FAM169A: variants seen among roughly 807,000 people sequenced by gnomAD.
FAM169A encodes the protein family with sequence similarity 169 member A, also known as soluble lamin-associated protein of 75 kDa.
Under a neutral mutation model 75.7 loss-of-function variants are expected in FAM169A, and 24 were observed. That is an observed-to-expected ratio of 0.32 (90% CI 0.23 to 0.45). The LOEUF (loss-of-function observed/expected upper bound fraction) is 0.45, where lower values mean the gene tolerates loss of function less well. FAM169A is among the 20% of genes least tolerant of loss of function. FAM169A has a pLI of 1.00. For missense variants in FAM169A, 673 were observed against 784.0 expected (o/e 0.86, Z 1.69); for synonymous variants, 271 against 271.0 (o/e 1.00, Z 0.00).
At chr5:74,796,530 G>A (rs904880539) in intron 10 of FAM169A, among the ~76,000 whole-genome samples, 1 of 151,528 alleles carries the variant, frequency 6.6e-6, no homozygotes, top group Admixed American at 6.6e-5. Context: ...CTCAGCCCCC[G>A]AGCAGCTGAG....
intron 6 of FAM169A, among the ~76,000 whole-genome samples, chr5:74,813,427 A>C (rs1357908761): frequency 2.0e-5 from 3 of 152,098 alleles, no homozygotes; most frequent in Admixed American, 2.0e-4. Context: ...CCCGGATTCA[A>C]GCAATTCTCC....
chr5:74,792,936 C>T (rs1175658920), intron 11 of FAM169A, among the ~76,000 whole-genome samples: 1 of 152,186 alleles, frequency 6.6e-6, no homozygotes, highest in Non-Finnish European at 1.5e-5. Flanking sequence ...ATGAAAAAGA[C>T]ACTTGCACAT....
chr5:74,818,772 T>G (rs1009285365), intron 5 of FAM169A, among the ~76,000 whole-genome samples: 9 of 108,222 alleles, frequency 8.3e-5, no homozygotes, highest in African/African-American at 3.2e-4. Flanking sequence ...GTTTCACAGC[T>G]CTCTCTCTCT....
chr5:74,824,334 G>C (rs147587655), intron 5 of FAM169A, among the ~76,000 whole-genome samples: 21 of 152,026 alleles, frequency 1.4e-4, no homozygotes, highest in South Asian at 4.1e-4. Context: ...ACTAAAATAC[G>C]GTATGCTATT....
chr5:74,795,731 A>C (rs927583665), intron 11 of FAM169A, among the ~76,000 whole-genome samples: 2 of 152,204 alleles, frequency 1.3e-5, no homozygotes, highest in African/African-American at 4.8e-5. Context: ...AAGTGTGTTT[A>C]ATTCCACAAA....
At chr5:74,784,607 TAAAAAAAAAAAAAAAAA>T (rs70976133) in intron 11 of FAM169A, among the ~76,000 whole-genome samples, 6 of 60,580 alleles carry the variant, frequency 9.9e-5, no homozygotes, top group African/African-American at 4.0e-4. Context: ...CAACCCAGGC[TAAAAAAAAAAAAAAAAA>T]AAAAAAAAAT....
chr5:74,862,045 C>CCT (rs1449294468), intron 1 of FAM169A, among the ~76,000 whole-genome samples: 5 of 152,212 alleles, frequency 3.3e-5, no homozygotes, highest in African/African-American at 1.2e-4. Context: ...TCAAATACTG[C>CCT]CTTTCTACTG....
chr5:74,791,807 T>C (rs1477252944), intron 11 of FAM169A, among the ~76,000 whole-genome samples: 1 of 152,222 alleles, frequency 6.6e-6, no homozygotes, highest in Non-Finnish European at 1.5e-5. Context: ...ACTAAGGTGC[T>C]TGCTGAAGGC....
intron 11 of FAM169A, among the ~76,000 whole-genome samples, chr5:74,795,052 G>T (rs1746197403): frequency 6.6e-6 from 1 of 152,096 alleles, no homozygotes; most frequent in African/African-American, 2.4e-5. Flanking sequence ...GAGGTAAGGA[G>T]TTTGAGACCA....
At chr5:74,784,666 C>T (rs1233991398) in intron 11 of FAM169A, among the ~76,000 whole-genome samples, 1 of 148,872 alleles carries the variant, frequency 6.7e-6, no homozygotes, top group African/African-American at 2.5e-5. Context: ...CACCTGTAAT[C>T]CCAGCACTTT....
chr5:74,849,059 G>C (rs1264156407), intron 1 of FAM169A, among the ~76,000 whole-genome samples: 1 of 152,070 alleles, frequency 6.6e-6, no homozygotes, highest in East Asian at 1.9e-4. Flanking sequence ...GACACAGAAT[G>C]GACAGCGAAG....
At chr5:74,838,883 G>T in intron 4 of FAM169A, 82 bp downstream of exon 4, 1 of 932,000 alleles carries the variant, frequency 1.1e-6, no homozygotes, top group Non-Finnish European at 1.8e-6. Flanking sequence ...AAATGGGGAA[G>T]AGCTCAAAAA....
At chr5:74,835,564 C>T (rs1052921562) in intron 4 of FAM169A, among the ~76,000 whole-genome samples, 33 of 146,502 alleles carry the variant, frequency 2.3e-4, no homozygotes, top group African/African-American at 8.2e-4. Context: ...ACTGCACCAC[C>T]GCACTCCAGC....
chr5:74,835,288 T>C (rs1452175465), intron 4 of FAM169A, among the ~76,000 whole-genome samples: 1 of 152,036 alleles, frequency 6.6e-6, no homozygotes, highest in African/African-American at 2.4e-5. Context: ...CAGAACTTTC[T>C]GATATCAAAT....
intron 5 of FAM169A, among the ~76,000 whole-genome samples, chr5:74,818,770 G>GCTCTCTCTCT (rs375359690): frequency 7.4e-6 from 1 of 134,268 alleles, no homozygotes; most frequent in African/African-American, 2.8e-5. Context: ...CGGTTTCACA[G>GCTCTCTCTCT]CTCTCTCTCT....
rs1993372 is a variant in FAM169A at position 74,834,840 on chromosome 5, C to A, written c.319-243G>T. ...ACTGCCTTTCAACAAAATTCTAAAT[C>A]GGGCAAAAAACAGGTCCCCAATGTA... On this transcript the variant is annotated intron_variant, in intron 4 of 12. Coordinates refer to ENST00000687041, the MANE Select transcript of FAM169A (RefSeq NM_001376049.1). Among the ~76,000 whole-genome samples, 12,901 of 151,922 alleles carry A rather than the reference C, an allele frequency of 0.085. 667 individuals are homozygous for A. Among genetic ancestry groups the A allele is most frequent in the Admixed American group, 0.17 (2,523 of 15,260 alleles).
chr5:74,783,852 T>G (rs1745533397), intron 11 of FAM169A, among the ~76,000 whole-genome samples: 1 of 152,192 alleles, frequency 6.6e-6, no homozygotes, highest in Non-Finnish European at 1.5e-5. Context: ...TTTATTACCA[T>G]TATTAAAATT....
chr5:74,790,897 A>G (rs1745942685), intron 11 of FAM169A, among the ~76,000 whole-genome samples: 1 of 152,184 alleles, frequency 6.6e-6, no homozygotes, highest in South Asian at 2.1e-4. Flanking sequence ...TCATGGAAAG[A>G]GCAGAGGTTT....
chr5:74,813,759 T>C (rs2112575873), intron 6 of FAM169A, 81 bp downstream of exon 6: 2 of 1,104,696 alleles, frequency 1.8e-6, no homozygotes, highest in South Asian at 2.1e-5. Context: ...TACTGATATA[T>C]ACACATTTAC....
Sources: allele counts gnomAD v4.1 joint callset (sites outside exome capture counted in the v4.1 genomes callset), GRCh38; gene constraint gnomAD v4.1.1; transcripts MANE v1.5; gene names NCBI Gene and HGNC (gene_info 2026-07-23, HGNC 2026-07-21).